Variants in RABGEF1 observed in about 807,000 individuals in gnomAD.
The protein encoded by RABGEF1 is RAB guanine nucleotide exchange factor 1.
A neutral mutation model predicts 57.3 loss-of-function variants in RABGEF1; 26 were observed. The observed-to-expected ratio is 0.45, with a 90% CI of 0.33 to 0.63. RABGEF1 has a LOEUF of 0.63. RABGEF1 is among the 20% of genes least tolerant of loss of function. RABGEF1 has a pLI of 0.02. For missense variants in RABGEF1, 464 were observed against 607.6 expected (o/e 0.76, Z 2.48); for synonymous variants, 185 against 210.7 (o/e 0.88, Z 1.06).
At chr7:66,693,885 G>A (rs1325752777) in intron 1 of RABGEF1, among the ~76,000 whole-genome samples, 1 of 150,596 alleles carries the variant, frequency 6.6e-6, no homozygotes, top group South Asian at 2.1e-4. Context: ...TCGGCTCACC[G>A]TAACCTCCGC....
chr7:66,781,517 C>A (rs568224666), intron 3 of RABGEF1, among the ~76,000 whole-genome samples: 1 of 152,146 alleles, frequency 6.6e-6, no homozygotes, highest in Non-Finnish European at 1.5e-5. Context: ...CTCCCCTTGT[C>A]CCCCACCACC....
At chr7:66,805,904 C>T (rs566147246) in intron 8 of RABGEF1, among the ~76,000 whole-genome samples, 6 of 151,494 alleles carry the variant, frequency 4.0e-5, no homozygotes, top group Admixed American at 1.3e-4. Flanking sequence ...ACCATCACAC[C>T]GGGCCAATTT....
At chr7:66,748,611 C>T (rs753598090) in intron 1 of RABGEF1, among the ~76,000 whole-genome samples, 1 of 152,082 alleles carries the variant, frequency 6.6e-6, no homozygotes, top group African/African-American at 2.4e-5. Flanking sequence ...AAAATCATAA[C>T]GGCTAGTTCA....
At chr7:66,779,875 C>T (rs1228908335) in intron 3 of RABGEF1, among the ~76,000 whole-genome samples, 3 of 152,060 alleles carry the variant, frequency 2.0e-5, no homozygotes, top group African/African-American at 7.2e-5. Context: ...CCCTGCATAC[C>T]GAACACCTGA....
At chr7:66,785,644 G>A (rs1382478969) in intron 4 of RABGEF1, among the ~76,000 whole-genome samples, 1 of 152,176 alleles carries the variant, frequency 6.6e-6, no homozygotes, top group Admixed American at 6.5e-5. Flanking sequence ...GGAGGCCGAG[G>A]CAGGCGGATC....
chr7:66,706,623 A>T (rs1794129208), intron 1 of RABGEF1, among the ~76,000 whole-genome samples: 1 of 151,404 alleles, frequency 6.6e-6, no homozygotes, highest in African/African-American at 2.4e-5. Flanking sequence ...GTTAGCCAGG[A>T]TGGTCTCGAT....
chr7:66,693,844 G>A (rs1251684185), intron 1 of RABGEF1, among the ~76,000 whole-genome samples: 1 of 144,694 alleles, frequency 6.9e-6, no homozygotes, highest in African/African-American at 2.6e-5. Context: ...GTCTCACTCT[G>A]TCACCCAGGC....
intron 1 of RABGEF1, among the ~76,000 whole-genome samples, chr7:66,683,550 T>C (rs1790118099): frequency 6.6e-6 from 1 of 152,044 alleles, no homozygotes; most frequent in Non-Finnish European, 1.5e-5. Flanking sequence ...TGAGCTAAGA[T>C]GGAGCACCGA....
intron 7 of RABGEF1, among the ~76,000 whole-genome samples, chr7:66,803,673 G>A (rs1454209026): frequency 3.3e-5 from 5 of 151,994 alleles, no homozygotes; most frequent in South Asian, 2.1e-4. Context: ...GGCGGATCAC[G>A]AGGTCAGGAG....
At chr7:66,752,810 C>A (rs1248451649) in intron 1 of RABGEF1, among the ~76,000 whole-genome samples, 1 of 152,194 alleles carries the variant, frequency 6.6e-6, no homozygotes, top group East Asian at 1.9e-4. Flanking sequence ...AGAAACACTG[C>A]TTGTCAGGTT....
intron 1 of RABGEF1, among the ~76,000 whole-genome samples, chr7:66,684,429 C>G (rs1345705154): frequency 2.6e-5 from 4 of 152,054 alleles, no homozygotes; most frequent in African/African-American, 9.7e-5. Context: ...GGCAACAGTG[C>G]AAGACTTCGT....
intron 1 of RABGEF1, among the ~76,000 whole-genome samples, chr7:66,741,345 C>T (rs552191671): frequency 3.9e-5 from 6 of 152,304 alleles, no homozygotes; most frequent in African/African-American, 1.4e-4. Flanking sequence ...GCCTGTGGTC[C>T]TGACTTCCAC....
intron 1 of RABGEF1, among the ~76,000 whole-genome samples, chr7:66,763,919 A>G (rs1246681041): frequency 2.0e-5 from 3 of 152,188 alleles, no homozygotes; most frequent in Admixed American, 6.5e-5. Context: ...CTCTTGGACT[A>G]TTATGGATAA....
chr7:66,696,694 A>C, intron 1 of RABGEF1, among the ~76,000 whole-genome samples: 1 of 121,632 alleles, frequency 8.2e-6, no homozygotes, highest in African/African-American at 2.8e-5. Flanking sequence ...CGTCTCAAAA[A>C]AAAAAAAAAA....
At chr7:66,658,080 GA>G in the RABGEF1 span, among the ~76,000 whole-genome samples, 3 of 152,100 alleles carry the variant, frequency 2.0e-5, no homozygotes, top group Non-Finnish European at 4.4e-5. Flanking sequence ...TCCAAAATCA[GA>G]AATGAAAATG....
rs1789169358 is a variant in RABGEF1, at chr7:66,809,402, G to C, written c.*118G>C. 1.8e-5 allele frequency: 21 copies of C among 1,186,954 alleles called. No homozygotes were observed. The highest frequency in any genetic ancestry group is 2.2e-5 in the Non-Finnish European group (19 of 857,132). The allele number at this position is 1,186,954 out of a possible 1,614,324, so 73.5% of individuals were successfully genotyped here. The stretch of plus-strand genomic sequence containing the variant: ...CTTATAAATGTCAGCATTTTTTAAA[G>C]GTACAGTATATGGGGATTGTTTCGT... On this transcript the variant is annotated 3_prime_UTR_variant, in exon 9 of 9. Transcript: ENST00000284957.
Position 66,705,696 on chromosome 7 carries a change from T to G in RABGEF1, c.-872-6471T>G, listed in dbSNP as rs555246104. On this transcript the variant is annotated intron_variant and NMD_transcript_variant, in intron 1 of 9. Coordinates refer to the RABGEF1 transcript ENST00000607882. The stretch of plus-strand genomic sequence containing the variant: ...ACTTTCAGTTTGATAGATACAAGTG[T>G]TTTTTTTTTTGTTTTTTTTTGTTTT... Among the ~76,000 whole-genome samples, 384 of 143,630 alleles carry G rather than the reference T, an allele frequency of 2.7e-3. 1 individual carries two copies. Among genetic ancestry groups the G allele is most frequent in the Non-Finnish European group, 4.2e-3 (272 of 65,308 alleles). The allele number at this position is 143,630 out of a possible 152,430, so 94.2% of individuals were successfully genotyped here.
At chr7:66,692,662 G>T (rs1451612625) in intron 1 of RABGEF1, among the ~76,000 whole-genome samples, 1 of 152,100 alleles carries the variant, frequency 6.6e-6, no homozygotes, top group Non-Finnish European at 1.5e-5. Flanking sequence ...GGAGTCAGAG[G>T]CCCTGGTCAT....
upstream of RABGEF1, among the ~76,000 whole-genome samples, chr7:66,678,136 G>C (rs1789420029): frequency 6.6e-6 from 1 of 151,958 alleles, no homozygotes; most frequent in Admixed American, 6.6e-5. Flanking sequence ...ACATCTAATA[G>C]CCCACAGAAA....
Sources: gnomAD v4.1 joint callset for allele counts (sites outside exome capture counted in the v4.1 genomes callset) on GRCh38, gnomAD v4.1.1 for gene constraint, MANE v1.5 for transcripts, NCBI Gene and HGNC (gene_info 2026-07-23, HGNC 2026-07-21) for gene names.